SVEP1: variants seen among roughly 807,000 people sequenced by gnomAD.
The protein encoded by SVEP1 is sushi, von Willebrand factor type A, EGF and pentraxin domain containing 1.
A neutral mutation model predicts 367.3 loss-of-function variants in SVEP1; 164 were observed. The ratio of observed to expected loss-of-function variants is 0.45; its 90% CI spans 0.39 to 0.51. The LOEUF (loss-of-function observed/expected upper bound fraction) is 0.51. Among genes scored for constraint, SVEP1 ranks in the 20% least tolerant of loss-of-function variants. The pLI, the probability that SVEP1 is intolerant of heterozygous loss-of-function variation, is 0.00. For missense variants in SVEP1, 4,117 were observed against 4,425.3 expected (o/e 0.93, Z 1.98); for synonymous variants, 1,666 against 1,611.6 (o/e 1.03, Z -0.81).
chr9:110,435,768 A>C (rs915371273), intron 28 of SVEP1, among the ~76,000 whole-genome samples: 1 of 152,254 alleles, frequency 6.6e-6, no homozygotes, highest in Non-Finnish European at 1.5e-5. Context: ...GCAAACATTT[A>C]TTAAGCCTTT....
chr9:110,386,355 C>T lies in SVEP1; in HGVS notation c.10061-281G>A, dbSNP rs964103922. Among the ~76,000 whole-genome samples the T allele has an allele frequency of 4.6e-5, 7 of 152,144 alleles. No individual in the cohort carries two copies. In the East Asian group the frequency reaches 1.3e-3, roughly 29 times the overall value. On this transcript the variant is annotated intron_variant, in intron 42 of 47. Transcript: ENST00000374469. ...GACAATTTATGCCTGAAATTATGGG[C>T]CACAACATTATTTTAGACTGAGTTT...
chr9:110,406,970 C>T lies in SVEP1; in HGVS notation c.8630G>A (p.Gly2877Glu). 1.2e-6 allele frequency: 2 copies of T among 1,613,976 alleles called. No homozygotes were observed. The highest frequency in any genetic ancestry group is 1.7e-6 in the Non-Finnish European group (2 of 1,179,890). The change falls in exon 38 of 48, where the codon GGA (glycine) becomes GAA (glutamate). Residue 2877 changes from glycine to glutamate, a missense_variant. Gly to Glu is a moderately conservative substitution (Grantham distance 98). Coordinates refer to ENST00000374469, the MANE Select transcript of SVEP1 (RefSeq NM_153366.4). Reference protein sequence around the residue: ...GARSRVCLANGSWSGATPDCV... With the variant: ...GARSRVCLANESWSGATPDCV... The stretch of plus-strand genomic sequence containing the variant: ...GTCGGGAGTGGCTCCACTCCAACTT[C>T]CATTGGCAAGACAAACCCGACTCCT...
chr9:110,377,316 C>A lies in SVEP1; in HGVS notation c.10459G>T (p.Ala3487Ser). The A allele has an allele frequency of 6.2e-7, 1 of 1,613,828 alleles. No homozygotes were observed. The highest frequency in any genetic ancestry group is 1.1e-5 in the South Asian group (1 of 91,076). The stretch of plus-strand genomic sequence containing the variant: ...ATCCAGCCCTCTGGACAGGAACAAG[C>A]ATTTGGGCGTTGGCAGATGCCCCCA... Reference protein sequence around the residue: ...QNGGICQRPNACSCPEGWMGR... With the variant: ...QNGGICQRPNSCSCPEGWMGR... The change falls in exon 45 of 48, where the codon GCT (alanine) becomes TCT (serine). Residue 3487 changes from alanine (A) to serine (S), a missense_variant. Coordinates refer to ENST00000374469, the MANE Select transcript of SVEP1 (RefSeq NM_153366.4).
chr9:110,478,509 C>T (rs1402535379), intron 13 of SVEP1, among the ~76,000 whole-genome samples: 1 of 152,150 alleles, frequency 6.6e-6, no homozygotes, highest in Non-Finnish European at 1.5e-5. Flanking sequence ...GAGTCTAACA[C>T]ACACAAAAAT....
chr9:110,460,500 C>T (rs1360129646), intron 18 of SVEP1, among the ~76,000 whole-genome samples: 4 of 152,008 alleles, frequency 2.6e-5, no homozygotes, highest in African/African-American at 9.7e-5. Flanking sequence ...TGCCTGTAAC[C>T]CCAGCACTTT....
At chr9:110,369,735 A>G (rs981379849) in intron 47 of SVEP1, 188 bp downstream of exon 47, 7 of 579,436 alleles carry the variant, frequency 1.2e-5, no homozygotes, top group East Asian at 2.9e-5. Flanking sequence ...TGTTTTGTCA[A>G]TCCTGAACTA....
chr9:110,394,927 T>C (rs558572784), intron 40 of SVEP1, among the ~76,000 whole-genome samples: 2 of 152,350 alleles, frequency 1.3e-5, no homozygotes, highest in Admixed American at 6.5e-5. Flanking sequence ...GAAAACACTC[T>C]GCAGGATATT....
chr9:110,388,965 T>C (rs1387768179), intron 41 of SVEP1, among the ~76,000 whole-genome samples: 2 of 147,470 alleles, frequency 1.4e-5, no homozygotes, highest in Non-Finnish European at 3.0e-5. Context: ...TGAGACTCTA[T>C]TTAAAAATAA....
At chr9:110,549,247 TTA>T (rs1369633269) in intron 2 of SVEP1, among the ~76,000 whole-genome samples, 1 of 152,066 alleles carries the variant, frequency 6.6e-6, no homozygotes, top group Non-Finnish European at 1.5e-5. Flanking sequence ...TAATGTATAA[TTA>T]TGATTTAATT....
At chr9:110,462,523 T>C (rs1828872398) in intron 18 of SVEP1, among the ~76,000 whole-genome samples, 1 of 150,424 alleles carries the variant, frequency 6.6e-6, no homozygotes, top group South Asian at 2.1e-4. Flanking sequence ...ATATACATAA[T>C]AGTGGCACTA....
Position 110,406,161 on chromosome 9 carries a change from TG to T in SVEP1, c.9438del (p.Arg3147AspfsTer41). On this transcript the variant is annotated frameshift_variant and splice_region_variant, in exon 38 of 48. Coordinates refer to ENST00000374469, the MANE Select transcript of SVEP1 (RefSeq NM_153366.4). LOFTEE classifies it high-confidence loss of function. ...EAHTYESEVK[L>X]RCLEGYTMDT... ...GAGACCCTAGAGCCATGATCTTACC[TG>T]AGTTTCACTTCACTTTCATAGGTGT... is the stretch of plus-strand genomic sequence containing the variant. 6.4e-7 allele frequency: 1 copy of T among 1,557,488 alleles called. No individual in the cohort carries two copies. Among genetic ancestry groups the T allele is most frequent in the Non-Finnish European group, 8.7e-7 (1 of 1,153,220 alleles).
intron 36 of SVEP1, among the ~76,000 whole-genome samples, chr9:110,426,137 T>C (rs2781270): frequency 0.17 from 25,605 of 152,168 alleles, 2,251 homozygotes; most frequent in Middle Eastern, 0.25. Flanking sequence ...CATTCCTGCA[T>C]TGACATTTTA....
At chr9:110,478,912 C>A (rs1829142090) in intron 13 of SVEP1, among the ~76,000 whole-genome samples, 2 of 135,034 alleles carry the variant, frequency 1.5e-5, no homozygotes, top group East Asian at 2.3e-4. Flanking sequence ...GCTGTATTTT[C>A]TTTTCTTTCT....
At chr9:110,405,286 T>G (rs1467841520) in intron 38 of SVEP1, among the ~76,000 whole-genome samples, 1 of 151,752 alleles carries the variant, frequency 6.6e-6, no homozygotes, top group African/African-American at 2.4e-5. Context: ...ACTCAGATAC[T>G]AGTAGGAATA....
Position 110,443,813 on chromosome 9 carries a change from T to A in SVEP1, c.4464-93A>T, listed in dbSNP as rs373502331. The A allele has an allele frequency of 2.3e-5, 27 of 1,153,290 alleles. No homozygotes were observed. In the African/African-American group the frequency reaches 4.1e-4, roughly 18 times the overall value. The allele number at this position is 1,153,290 out of a possible 1,614,324, so 71.4% of individuals were successfully genotyped here. ...GCTACAATTTTTCTTCTTTTTCTTT[T>A]TTTGTGGGTAAAGTACTTTGTGTAA... On this transcript the variant is annotated intron_variant, in intron 26 of 47. Transcript: ENST00000374469.
chr9:110,487,701 T>C (rs575938705), intron 9 of SVEP1, among the ~76,000 whole-genome samples: 1 of 152,352 alleles, frequency 6.6e-6, no homozygotes, highest in East Asian at 1.9e-4. Context: ...GTCAGTATGT[T>C]GTCATCTAGC....
chr9:110,577,161 T>C (rs539452679), intron 1 of SVEP1, among the ~76,000 whole-genome samples: 1 of 152,232 alleles, frequency 6.6e-6, no homozygotes, highest in African/African-American at 2.4e-5. Context: ...AAAATTCATA[T>C]TAAATAATAA....
At chr9:110,445,070 T>C (rs1828568401) in intron 26 of SVEP1, among the ~76,000 whole-genome samples, 1 of 152,232 alleles carries the variant, frequency 6.6e-6, no homozygotes, top group Non-Finnish European at 1.5e-5. Context: ...AAAGGCCATG[T>C]GGTGCACCAC....
chr9:110,377,197 C>T (rs1588019443), intron 45 of SVEP1, 74 bp downstream of exon 45: 1 of 1,386,700 alleles, frequency 7.2e-7, no homozygotes, highest in East Asian at 2.3e-5. Flanking sequence ...CAACCATTTC[C>T]TGGTAACTCC....
Sources: allele counts gnomAD v4.1 joint callset (sites outside exome capture counted in the v4.1 genomes callset), GRCh38; gene constraint gnomAD v4.1.1; transcripts MANE v1.5; gene names NCBI Gene and HGNC (gene_info 2026-07-23, HGNC 2026-07-21).